The following NR1H4 variants were observed in gnomAD, a reference collection of about 807,000 sequenced individuals.
NR1H4 encodes the protein nuclear receptor subfamily 1 group H member 4.
Under a neutral mutation model 58.5 loss-of-function variants are expected in NR1H4, and 23 were observed. The observed-to-expected ratio is 0.39, with a 90% confidence interval of 0.28 to 0.56. The LOEUF is 0.56. Among genes scored for constraint, NR1H4 ranks in the 20% least tolerant of loss-of-function variants. NR1H4 has a pLI of 0.58. For synonymous variants in NR1H4, 214 were observed against 198.0 expected (o/e 1.08, Z -0.68); for missense variants, 487 against 576.9 (o/e 0.84, Z 1.60).
intron 1 of NR1H4, among the ~76,000 whole-genome samples, chr12:100,491,151 C>T: frequency 6.6e-6 from 1 of 152,066 alleles, no homozygotes; most frequent in East Asian, 1.9e-4. Context: ...ATCAGAGCCT[C>T]CCTCCCCGAC....
In NR1H4 at chr12:100,510,826, T is replaced by A; in HGVS notation, c.128T>A (p.Val43Glu). 1 of 1,614,086 alleles carries A rather than the reference T, an allele frequency of 6.2e-7. No individual in the cohort carries two copies. The highest frequency in any genetic ancestry group is 8.5e-7 in the Non-Finnish European group (1 of 1,179,998). The change falls in exon 4 of 11, where the codon GTG (valine) becomes GAG (glutamate). Residue 43 changes from valine (V) to glutamate (E), a missense_variant. Coordinates refer to ENST00000392986, the MANE Select transcript of NR1H4 (RefSeq NM_001206979.2). Reference protein sequence around the residue: ...VAGPLGQNLEVEPYSQYSNVQ... With the variant: ...VAGPLGQNLEEEPYSQYSNVQ... ...GGTCCTCTGGGACAGAACCTGGAAGTGGAACCATACTCGCAATACAGCAAT... is the reference window on the plus strand; with the variant it reads ...GGTCCTCTGGGACAGAACCTGGAAGAGGAACCATACTCGCAATACAGCAAT...
chr12:100,545,409 G>A (rs1222997299), intron 9 of NR1H4, among the ~76,000 whole-genome samples: 1 of 151,988 alleles, frequency 6.6e-6, no homozygotes. Context: ...GGAGGCCAAG[G>A]CAGGAAGATT....
intron 9 of NR1H4, among the ~76,000 whole-genome samples, chr12:100,553,294 G>A (rs1251938210): frequency 2.6e-5 from 4 of 152,136 alleles, no homozygotes; most frequent in East Asian, 3.9e-4. Flanking sequence ...CACTGCGCCC[G>A]GCCGATTCCC....
At chr12:100,539,649 C>G (rs571910179) in intron 8 of NR1H4, among the ~76,000 whole-genome samples, 4 of 152,272 alleles carry the variant, frequency 2.6e-5, no homozygotes, top group Non-Finnish European at 5.9e-5. Flanking sequence ...AATTATCCAA[C>G]AAATAATTCT....
At position 100,489,851 on chromosome 12, in the gene NR1H4, G is replaced by A. The variant is rs558945935; in HGVS notation, c.-189-2652G>A. 3.3e-5 allele frequency among the ~76,000 whole-genome samples: 5 copies of A among 152,140 alleles called. No individual in the cohort carries two copies. In the South Asian group the frequency reaches 1.0e-3, roughly 32 times the overall value. On this transcript the variant is annotated intron_variant, in intron 1 of 10. Coordinates refer to ENST00000392986, the MANE Select transcript of NR1H4 (RefSeq NM_001206979.2). ...AAAATTTAGTTTCTTTTTTTTTAAA[G>A]CCCATTCGGGAATTGTAAACCCAAT...
chr12:100,564,336 C>A lies in NR1H4; in HGVS notation c.*847C>A, dbSNP rs757939613. 1.4e-4 allele frequency: 22 copies of A among 152,190 alleles called. No homozygotes were observed. The highest frequency in any genetic ancestry group is 2.9e-4 in the Non-Finnish European group (20 of 68,046). 9.4% of individuals were successfully genotyped at this position (152,190 alleles called of 1,614,324 possible). ...CCCCAAAGCAGGAATTAGTTCATTT[C>A]CTTCCTTCATTGTTACACTGTTGCA... On this transcript the variant is annotated 3_prime_UTR_variant, in exon 11 of 11. Coordinates refer to ENST00000392986, the MANE Select transcript of NR1H4 (RefSeq NM_001206979.2).
chr12:100,560,422 G>C (rs1309036763), intron 9 of NR1H4, among the ~76,000 whole-genome samples: 1 of 152,180 alleles, frequency 6.6e-6, no homozygotes, highest in Admixed American at 6.5e-5. Context: ...AAGATCTGCA[G>C]CTTCACTCCT....
At chr12:100,537,503 G>A (rs1029884494) in intron 8 of NR1H4, among the ~76,000 whole-genome samples, 1 of 152,142 alleles carries the variant, frequency 6.6e-6, no homozygotes, top group African/African-American at 2.4e-5. Flanking sequence ...AGTGATCAAA[G>A]GTGATAATAA....
At chr12:100,524,811 A>G (rs532496127) in intron 4 of NR1H4, among the ~76,000 whole-genome samples, 3 of 152,030 alleles carry the variant, frequency 2.0e-5, no homozygotes, top group African/African-American at 7.2e-5. Context: ...GTCTTTATTT[A>G]TTTCTGTAGT....
rs1953481538 is a variant in NR1H4 at position 100,485,896 on chromosome 12, T to C, written c.-189-6607T>C. ...TATAATTATTTTAATTGCTGTATAG[T>C]ATTCACCTGTGAATGTGCAATTTAT... On this transcript the variant is annotated intron_variant, in intron 1 of 10. Transcript: ENST00000392986. Among the ~76,000 whole-genome samples the C allele has an allele frequency of 2.0e-5, 3 of 152,344 alleles. No individual in the cohort carries two copies. In the South Asian group the frequency reaches 6.2e-4, roughly 32 times the overall value.
At chr12:100,476,193 A>C (rs1593027779) in intron 1 of NR1H4, among the ~76,000 whole-genome samples, 1 of 152,128 alleles carries the variant, frequency 6.6e-6, no homozygotes, top group Non-Finnish European at 1.5e-5. Flanking sequence ...GATATTGGCT[A>C]TTGGCGGAGG....
Position 100,536,531 on chromosome 12 carries a change from C to A in NR1H4, c.752C>A (p.Pro251Gln), listed in dbSNP as rs530192758. ...GTGTAGGAGAAAACTGAACTCACCC[C>A]AGATCAACAGACTCTTCTACATTTT... ...KSCREKTELT[P>Q]DQQTLLHFIM... The change falls in exon 7 of 11, where the codon CCA (proline) becomes CAA (glutamine). Residue 251 changes from proline to glutamine, a missense_variant. Pro to Gln is a moderately conservative substitution (Grantham distance 76). Coordinates refer to ENST00000392986, the MANE Select transcript of NR1H4 (RefSeq NM_001206979.2). The A allele has an allele frequency of 5.6e-6, 9 of 1,608,646 alleles. No homozygotes were observed. In the South Asian group the frequency reaches 9.9e-5, roughly 18 times the overall value.
chr12:100,475,139 A>G (rs183071386), intron 1 of NR1H4, among the ~76,000 whole-genome samples: 2 of 144,994 alleles, frequency 1.4e-5, no homozygotes, highest in East Asian at 3.9e-4. Context: ...CTATCTATCT[A>G]TCTATCTATC....
At chr12:100,526,217 AT>A (rs1197521276) in intron 4 of NR1H4, among the ~76,000 whole-genome samples, 3 of 126,164 alleles carry the variant, frequency 2.4e-5, no homozygotes, top group Non-Finnish European at 5.0e-5. Context: ...CTTATTTTGG[AT>A]TTAATTTGTT....
chr12:100,549,407 C>A (rs922024381), intron 9 of NR1H4, among the ~76,000 whole-genome samples: 35 of 152,020 alleles, frequency 2.3e-4, no homozygotes, highest in Non-Finnish European at 4.1e-4. Context: ...GAATGGCACA[C>A]CTTCCCTGTA....
At chr12:100,491,558 C>G (rs944458382) in intron 1 of NR1H4, among the ~76,000 whole-genome samples, 1 of 150,898 alleles carries the variant, frequency 6.6e-6, no homozygotes, top group Non-Finnish European at 1.5e-5. Flanking sequence ...ACATATGTCT[C>G]TAATGGCTAA....
At chr12:100,484,863 ATTAC>A (rs1708113600) in intron 1 of NR1H4, among the ~76,000 whole-genome samples, 1 of 152,168 alleles carries the variant, frequency 6.6e-6, no homozygotes, top group Admixed American at 6.6e-5. Context: ...ATGGGGAGGA[ATTAC>A]TTTTTCCTCA....
chr12:100,506,002 AAC>A (rs398020830), intron 3 of NR1H4, among the ~76,000 whole-genome samples: 27,938 of 140,926 alleles, frequency 0.2, 3,293 homozygotes, highest in Non-Finnish European at 0.27. Flanking sequence ...AAGTGTTTAT[AAC>A]ACACACACAC....
chr12:100,517,240 GAAC>G (rs950894025), intron 4 of NR1H4, among the ~76,000 whole-genome samples: 8 of 151,930 alleles, frequency 5.3e-5, no homozygotes, highest in African/African-American at 1.9e-4. Context: ...ATTTCCATGA[GAAC>G]AACGTTTTAG....
Sources: allele counts gnomAD v4.1 joint callset (sites outside exome capture counted in the v4.1 genomes callset), GRCh38; gene constraint gnomAD v4.1.1; transcripts MANE v1.5; gene names NCBI Gene and HGNC (gene_info 2026-07-23, HGNC 2026-07-21).